The following CNTN3 variants were observed in gnomAD, a reference collection of about 807,000 sequenced individuals.
The protein encoded by CNTN3 is contactin-3.
In CNTN3, 60 loss-of-function variants were observed where a neutral mutation model predicts 119.1. The observed-to-expected ratio is 0.50, with a 90% CI of 0.41 to 0.62. The LOEUF (loss-of-function observed/expected upper bound fraction) is 0.62. Ranked by LOEUF, CNTN3 falls within the 20% of genes least tolerant of loss-of-function variation. CNTN3 has a pLI of 0.00. For synonymous variants in CNTN3, 450 were observed against 438.7 expected (o/e 1.03, Z -0.32); for missense variants, 1,101 against 1,242.4 (o/e 0.89, Z 1.71).
At chr3:74,332,490 G>T (rs1036169670) in intron 13 of CNTN3, among the ~76,000 whole-genome samples, 3 of 152,172 alleles carry the variant, frequency 2.0e-5, no homozygotes, top group African/African-American at 4.8e-5. Context: ...ATGACTTAAT[G>T]CCTTCTTTAG....
At chr3:74,526,218 C>CA (rs56276632) in intron 1 of CNTN3, among the ~76,000 whole-genome samples, 128,125 of 150,308 alleles carry the variant, frequency 0.85, 55,474 homozygotes, top group East Asian at 0.93. Flanking sequence ...TAATCTTCAC[C>CA]AAAAAAAAAC....
At chr3:74,347,787 T>G (rs1183915043) in intron 11 of CNTN3, among the ~76,000 whole-genome samples, 1 of 152,156 alleles carries the variant, frequency 6.6e-6, no homozygotes, top group Non-Finnish European at 1.5e-5. Flanking sequence ...CTTGCCCCAC[T>G]AAATCCTTGC....
chr3:74,430,029 C>T (rs1701757347), intron 4 of CNTN3, among the ~76,000 whole-genome samples: 1 of 152,204 alleles, frequency 6.6e-6, no homozygotes, highest in African/African-American at 2.4e-5. Flanking sequence ...ATGATTCAGA[C>T]ATTGTCTTCT....
chr3:74,505,186 A>G (rs1055419690), intron 2 of CNTN3, among the ~76,000 whole-genome samples: 4 of 151,888 alleles, frequency 2.6e-5, no homozygotes, highest in African/African-American at 9.7e-5. Context: ...CAATGACCCT[A>G]TTTTCAAATA....
At chr3:74,267,990 G>C (rs113875839) in intron 20 of CNTN3, among the ~76,000 whole-genome samples, 230 of 152,192 alleles carry the variant, frequency 1.5e-3, no homozygotes, top group African/African-American at 4.4e-3. Flanking sequence ...TATTCCCATG[G>C]AGTAATAGCT....
At chr3:74,346,770 CAT>C (rs1703699489) in intron 11 of CNTN3, among the ~76,000 whole-genome samples, 1 of 151,852 alleles carries the variant, frequency 6.6e-6, no homozygotes, top group Admixed American at 6.6e-5. Flanking sequence ...TCCATCCATC[CAT>C]CCATCCATCC....
At chr3:74,545,374 C>G (rs1032300320) in intron 1 of CNTN3, among the ~76,000 whole-genome samples, 1 of 152,146 alleles carries the variant, frequency 6.6e-6, no homozygotes, top group African/African-American at 2.4e-5. Flanking sequence ...ATCGTTAAGA[C>G]TCTGTGAAAA....
chr3:74,289,543 T>G (rs1702183126), intron 19 of CNTN3, among the ~76,000 whole-genome samples: 1 of 152,196 alleles, frequency 6.6e-6, no homozygotes, highest in African/African-American at 2.4e-5. Context: ...ATTACTTCAC[T>G]GGTTTGCTTT....
intron 1 of CNTN3, among the ~76,000 whole-genome samples, chr3:74,583,384 G>GA (rs35486005): frequency 1.1e-3 from 164 of 148,482 alleles, no homozygotes; most frequent in African/African-American, 3.0e-3. Flanking sequence ...TAGTAATTAT[G>GA]AAAAAAAAAA....
intron 3 of CNTN3, among the ~76,000 whole-genome samples, chr3:74,494,292 A>C (rs1481846560): frequency 1.3e-5 from 2 of 152,220 alleles, no homozygotes; most frequent in Non-Finnish European, 2.9e-5. Flanking sequence ...CCACTGAAAA[A>C]ACACAAGAAA....
At chr3:74,361,203 G>A (rs1704066308) in intron 11 of CNTN3, among the ~76,000 whole-genome samples, 2 of 152,110 alleles carry the variant, frequency 1.3e-5, no homozygotes, top group Non-Finnish European at 2.9e-5. Flanking sequence ...TCTGGCAGGT[G>A]TTTACCTAAG....
chr3:74,537,402 C>G (rs1703781610), intron 1 of CNTN3, among the ~76,000 whole-genome samples: 1 of 152,132 alleles, frequency 6.6e-6, no homozygotes, highest in South Asian at 2.1e-4. Flanking sequence ...ATCATAATTT[C>G]CAGGCACCAG....
At chr3:74,502,760 C>A (rs1336123973) in intron 2 of CNTN3, among the ~76,000 whole-genome samples, 2 of 152,046 alleles carry the variant, frequency 1.3e-5, no homozygotes, top group East Asian at 3.9e-4. Flanking sequence ...TAAATGTGAC[C>A]ATCCGCATTC....
In CNTN3 at chr3:74,263,003, T is replaced by C. The variant is rs1183409356; in HGVS notation, c.*1398A>G. 6.6e-6 allele frequency: 1 copy of C among 152,184 alleles called. No homozygotes were observed. Among genetic ancestry groups the C allele is most frequent in the Non-Finnish European group, 1.5e-5 (1 of 68,014 alleles). The allele number at this position is 152,184 out of a possible 1,614,324, so 9.4% of individuals were successfully genotyped here. A position where few individuals can be genotyped will look rare whatever the true frequency, so the allele number is the denominator to read the frequency against. ...ATAGTGCTTTATGGTGATATCAGAA[T>C]TTCCCTAATTTTTAATCTTTCTTGT... On this transcript the variant is annotated 3_prime_UTR_variant, in exon 23 of 23. Transcript: ENST00000263665.
At chr3:74,425,799 T>C (rs1433987242) in intron 4 of CNTN3, among the ~76,000 whole-genome samples, 1 of 152,140 alleles carries the variant, frequency 6.6e-6, no homozygotes, top group Non-Finnish European at 1.5e-5. Context: ...TAATATTCAG[T>C]TTCTGAGTAT....
At chr3:74,580,156 A>G (rs941094988) in intron 1 of CNTN3, among the ~76,000 whole-genome samples, 2 of 152,220 alleles carry the variant, frequency 1.3e-5, no homozygotes, top group African/African-American at 4.8e-5. Context: ...GATATAAAGA[A>G]CAAATTACTT....
Position 74,424,845 on chromosome 3 carries a change from C to A in CNTN3, c.454G>T (p.Glu152Ter). Reference sequence around the variant, plus strand: ...AAAGCAGAAACAGAGCATGACTTACCTCCAGAGTGTGGTGGGGGGCCGCAG... The same window carrying A: ...AAAGCAGAAACAGAGCATGACTTACATCCAGAGTGTGGTGGGGGGCCGCAG... Reference protein sequence around the residue: ...LLCGPPPHSGELSYAWIFNEY... With the variant: ...LLCGPPPHSG The change falls in exon 5 of 23, where the codon GAA becomes TAA. Residue 152 changes from glutamate to a stop codon, truncating the protein, a stop_gained and splice_region_variant. Transcript: ENST00000263665. LOFTEE classifies it high-confidence loss of function. 1 of 1,612,872 alleles carries A rather than the reference C, an allele frequency of 6.2e-7. No homozygotes were observed. Among genetic ancestry groups the A allele is most frequent in the East Asian group, 2.2e-5 (1 of 44,850 alleles).
At chr3:74,508,866 A>G (rs1575794456) in intron 2 of CNTN3, among the ~76,000 whole-genome samples, 1 of 152,172 alleles carries the variant, frequency 6.6e-6, no homozygotes, top group Non-Finnish European at 1.5e-5. Context: ...CAACTGCAAG[A>G]TATTTCTTTC....
At chr3:74,431,732 A>G (rs1701786497) in intron 4 of CNTN3, among the ~76,000 whole-genome samples, 2 of 152,218 alleles carry the variant, frequency 1.3e-5, no homozygotes, top group South Asian at 4.1e-4. Flanking sequence ...TTTTCCCTCT[A>G]AAAGAACTAA....
Sources: allele counts gnomAD v4.1 joint callset (sites outside exome capture counted in the v4.1 genomes callset), GRCh38; gene constraint gnomAD v4.1.1; transcripts MANE v1.5; gene names NCBI Gene and HGNC (gene_info 2026-07-23, HGNC 2026-07-21).